NRXN3: variants seen among roughly 807,000 people sequenced by gnomAD.
NRXN3 encodes neurexin 3, also known as neurexin III.
A neutral mutation model predicts 137.6 loss-of-function variants in NRXN3; 32 were observed. The ratio of observed to expected loss-of-function variants is 0.23; its 90% CI spans 0.18 to 0.31. The LOEUF is 0.31. NRXN3 is among the 10% of genes least tolerant of loss of function. The probability of loss-of-function intolerance (pLI) is 1.00; values close to 1 mark genes in which losing one functional copy is unlikely to be tolerated. For missense variants in NRXN3, 1,574 were observed against 2,062.5 expected, an observed-to-expected ratio of 0.76 and a Z score of 4.59; for synonymous variants, 798 against 784.5, an observed-to-expected ratio of 1.02 and a Z score of -0.29.
intron 16 of NRXN3, among the ~76,000 whole-genome samples, chr14:79,619,489 C>A (rs1309912459): frequency 6.6e-6 from 1 of 151,870 alleles, no homozygotes. Context: ...TGCTTGTGAC[C>A]ATGAGATTTT....
At chr14:79,257,370 GTGGTGGTGGTGGTGGTGA>G (rs2076739022) in intron 15 of NRXN3, among the ~76,000 whole-genome samples, 1 of 95,086 alleles carries the variant, frequency 1.1e-5, no homozygotes, top group African/African-American at 3.9e-5. Context: ...GGTGGTGGTG[GTGGTGGTGGTGGTGGTGA>G]TGGTGGTGGT....
chr14:78,222,632 G>A (rs1391284426), intron 1 of NRXN3, among the ~76,000 whole-genome samples: 1 of 152,138 alleles, frequency 6.6e-6, no homozygotes. Flanking sequence ...TACAAATAAG[G>A]AAGCCAGAGG....
At chr14:79,236,579 A>AAT (rs1257937715) in intron 15 of NRXN3, among the ~76,000 whole-genome samples, 2 of 152,032 alleles carry the variant, frequency 1.3e-5, no homozygotes, top group East Asian at 3.9e-4. Context: ...AGGGTAGAAA[A>AAT]ATATATATTT....
intron 17 of NRXN3, among the ~76,000 whole-genome samples, chr14:79,685,133 CTTTTTAGT>C (rs2098689622): frequency 6.6e-6 from 1 of 152,110 alleles, no homozygotes; most frequent in South Asian, 2.1e-4. Flanking sequence ...AGTTTGCCTT[CTTTTTAGT>C]TTAACTCTTC....
Position 78,294,804 on chromosome 14 carries a change from T to C in NRXN3, c.728-3027T>C, listed in dbSNP as rs75555236. 2.1e-4 allele frequency among the ~76,000 whole-genome samples: 32 copies of C among 152,320 alleles called. No individual in the cohort carries two copies. The East Asian group carries it at 6.2e-3, about 29-fold the overall frequency. On this transcript the variant is annotated intron_variant, in intron 3 of 20. Coordinates refer to ENST00000335750, the MANE Select transcript of NRXN3 (RefSeq NM_001330195.2). ...CATGCATCACTGTCAGGTATGAGTATATATGGCAAATGTGTGTGTGTGTAA... is the reference window on the plus strand; with the variant it reads ...CATGCATCACTGTCAGGTATGAGTACATATGGCAAATGTGTGTGTGTGTAA...
rs536157968 is a variant in NRXN3 at position 78,596,372 on chromosome 14, G to T, written c.758-48748G>T. 2.0e-5 allele frequency among the ~76,000 whole-genome samples: 3 copies of T among 152,298 alleles called. No homozygotes were observed. The South Asian group carries it at 6.2e-4, about 32-fold the overall frequency. On this transcript the variant is annotated intron_variant, in intron 4 of 20. Coordinates refer to ENST00000335750, the MANE Select transcript of NRXN3 (RefSeq NM_001330195.2). ...GGGGTGGGGAGGGTGAAGCTCTGGTGTGGTACTGCATCAGCCTAGTGGGAG... is the reference window on the plus strand; with the variant it reads ...GGGGTGGGGAGGGTGAAGCTCTGGTTTGGTACTGCATCAGCCTAGTGGGAG...
In NRXN3 at chr14:78,640,587, T is replaced by C. The variant is rs147901609; in HGVS notation, c.758-4533T>C. On this transcript the variant is annotated intron_variant, in intron 4 of 20. Transcript: ENST00000335750. ...TATAAATTATAAGTTGGGTGTCTTT[T>C]AGGGGGAAAGAAGTGAAGAACAGAA... Among the ~76,000 whole-genome samples, 590 of 152,318 alleles carry C rather than the reference T, an allele frequency of 3.9e-3. 3 individuals are homozygous for C. In the Middle Eastern group the frequency reaches 0.041, roughly 11 times the overall value.
At chr14:79,726,498 C>T (rs1429425966) in intron 19 of NRXN3, among the ~76,000 whole-genome samples, 1 of 152,074 alleles carries the variant, frequency 6.6e-6, no homozygotes, top group East Asian at 1.9e-4. Context: ...AGAACTACTA[C>T]CTTGAATACA....
chr14:79,703,619 G>C (rs1304437223), intron 19 of NRXN3, among the ~76,000 whole-genome samples: 3 of 152,056 alleles, frequency 2.0e-5, no homozygotes, highest in Non-Finnish European at 4.4e-5. Flanking sequence ...AGAGAAAGGA[G>C]AGTGGGGAAA....
rs565551540 is a variant in NRXN3 at position 78,340,920 on chromosome 14, T to G, written c.757+43060T>G. On this transcript the variant is annotated intron_variant, in intron 4 of 20. Coordinates refer to ENST00000335750, the MANE Select transcript of NRXN3 (RefSeq NM_001330195.2). Reference sequence around the variant, plus strand: ...ATACCTGCTTAGCCCAAATAAACGATAGCAAGCTTTCCCTTTGGTAGGGTT... The same window carrying G: ...ATACCTGCTTAGCCCAAATAAACGAGAGCAAGCTTTCCCTTTGGTAGGGTT... Among the ~76,000 whole-genome samples the G allele has an allele frequency of 1.6e-4, 25 of 152,294 alleles. No individual in the cohort carries two copies. The South Asian group carries it at 4.4e-3, about 27-fold the overall frequency.
intron 4 of NRXN3, among the ~76,000 whole-genome samples, chr14:78,481,347 A>G (rs1482943670): frequency 6.6e-6 from 1 of 152,216 alleles, no homozygotes; most frequent in Non-Finnish European, 1.5e-5. Context: ...GGGCTAGGAT[A>G]GGATTATTTC....
intron 15 of NRXN3, among the ~76,000 whole-genome samples, chr14:79,219,922 A>G (rs1385827770): frequency 6.6e-6 from 1 of 152,200 alleles, no homozygotes; most frequent in African/African-American, 2.4e-5. Flanking sequence ...TGATACATTC[A>G]AGCAGCATTG....
chr14:79,762,754 T>A (rs552219126), intron 19 of NRXN3, among the ~76,000 whole-genome samples: 1 of 151,686 alleles, frequency 6.6e-6, no homozygotes, highest in Non-Finnish European at 1.5e-5. Flanking sequence ...CAATAAGTTG[T>A]AGTGGCTATT....
chr14:79,793,974 G>A (rs1438183642), intron 19 of NRXN3, among the ~76,000 whole-genome samples: 1 of 152,102 alleles, frequency 6.6e-6, no homozygotes, highest in Non-Finnish European at 1.5e-5. Context: ...CTTGATGCAT[G>A]CACATTCTAC....
intron 4 of NRXN3, among the ~76,000 whole-genome samples, chr14:78,339,620 A>T (rs1263592988): frequency 2.0e-5 from 3 of 152,090 alleles, no homozygotes; most frequent in Non-Finnish European, 4.4e-5. Flanking sequence ...TCAAGAAGGG[A>T]TTGCCTTTTT....
chr14:78,699,907 T>C (rs1489466226), intron 6 of NRXN3, among the ~76,000 whole-genome samples: 1 of 152,140 alleles, frequency 6.6e-6, no homozygotes, highest in Non-Finnish European at 1.5e-5. Context: ...AGGGAATGCA[T>C]TGGTTATCAC....
intron 19 of NRXN3, among the ~76,000 whole-genome samples, chr14:79,752,455 C>G (rs945591420): frequency 6.6e-6 from 1 of 152,140 alleles, no homozygotes; most frequent in Admixed American, 6.6e-5. Flanking sequence ...CTGAGAAAGA[C>G]AAGCAATGGG....
Position 79,297,054 on chromosome 14 carries a change from C to G in NRXN3, c.3263-170167C>G, listed in dbSNP as rs190029970. ...TTATCCTATTTAAGCAGAATCCTCA[C>G]TTCTTCCTTTGATGGTCACCTACTC... is the stretch of plus-strand genomic sequence containing the variant. On this transcript the variant is annotated intron_variant, in intron 15 of 20. Transcript: ENST00000335750. Among the ~76,000 whole-genome samples the G allele has an allele frequency of 3.9e-5, 6 of 152,324 alleles. No homozygotes were observed. The East Asian group carries it at 7.7e-4, about 20-fold the overall frequency.
intron 8 of NRXN3, among the ~76,000 whole-genome samples, chr14:78,786,518 C>CT (rs1290727891): frequency 6.6e-6 from 1 of 152,104 alleles, no homozygotes; most frequent in Non-Finnish European, 1.5e-5. Context: ...TATTAATTCT[C>CT]TTTTTTCTCT....
Sources: allele counts gnomAD v4.1 joint callset (sites outside exome capture counted in the v4.1 genomes callset), GRCh38; gene constraint gnomAD v4.1.1; transcripts MANE v1.5; gene names NCBI Gene and HGNC (gene_info 2026-07-23, HGNC 2026-07-21).